The following SNTB2 variants were observed in gnomAD, a reference collection of about 807,000 sequenced individuals.
The protein encoded by SNTB2 is syntrophin beta 2.
In SNTB2, 34 loss-of-function variants were observed where a neutral mutation model predicts 46.2. The ratio of observed to expected loss-of-function variants is 0.74; its 90% CI spans 0.56 to 0.98. The LOEUF (loss-of-function observed/expected upper bound fraction) is 0.98, where lower values mean the gene tolerates loss of function less well. SNTB2 is among the 50% of genes least tolerant of loss of function. The pLI, the probability that SNTB2 is intolerant of heterozygous loss-of-function variation, is 0.00. For missense variants in SNTB2, 603 were observed against 731.4 expected, an observed-to-expected ratio of 0.82 and a Z score of 2.02; for synonymous variants, 290 against 312.6, an observed-to-expected ratio of 0.93 and a Z score of 0.76.
chr16:69,196,525 C>G (rs1964107483), intron 1 of SNTB2, among the ~76,000 whole-genome samples: 1 of 151,826 alleles, frequency 6.6e-6, no homozygotes. Flanking sequence ...CAGACACGCG[C>G]TACCATGCCC....
At position 69,300,925 on chromosome 16, in the gene SNTB2, G is replaced by A. The variant is rs1965272694; in HGVS notation, c.*1G>A. 6.3e-7 allele frequency: 1 copy of A among 1,590,926 alleles called. No homozygotes were observed. Among genetic ancestry groups the A allele is most frequent in the Non-Finnish European group, 8.6e-7 (1 of 1,161,186 alleles). ...CACTCGTATGGGACTGCTTGTATGA[G>A]CAACAAAAAATCAGAAAAGAGCCTT... On this transcript the variant is annotated 3_prime_UTR_variant, in exon 7 of 7. Transcript: ENST00000336278.
chr16:69,286,227 A>T (rs80002642), intron 5 of SNTB2, among the ~76,000 whole-genome samples: 3,511 of 152,312 alleles, frequency 0.023, 135 homozygotes, highest in African/African-American at 0.08. Flanking sequence ...CTGGGATTAT[A>T]GGCACAAGCC....
intron 2 of SNTB2, among the ~76,000 whole-genome samples, chr16:69,249,870 G>A (rs1413232121): frequency 6.6e-6 from 1 of 152,130 alleles, no homozygotes; most frequent in African/African-American, 2.4e-5. Flanking sequence ...AGGCCAAGGT[G>A]GGTGGATCAC....
In SNTB2 at chr16:69,213,258, G is replaced by A. The variant is rs575721787; in HGVS notation, c.580+25512G>A. Among the ~76,000 whole-genome samples, 28 of 152,178 alleles carry A rather than the reference G, an allele frequency of 1.8e-4. No individual in the cohort carries two copies. The South Asian group carries it at 2.7e-3, about 15-fold the overall frequency. ...TTGGCACATATTGCATGTTAAATTGGTAGTAAAAGGGGTGATTTCATGTGT... is the reference window on the plus strand; with the variant it reads ...TTGGCACATATTGCATGTTAAATTGATAGTAAAAGGGGTGATTTCATGTGT... On this transcript the variant is annotated intron_variant, in intron 1 of 6. Coordinates refer to ENST00000336278, the MANE Select transcript of SNTB2 (RefSeq NM_006750.4).
chr16:69,286,673 C>G (rs140576242), intron 5 of SNTB2, among the ~76,000 whole-genome samples: 7 of 147,182 alleles, frequency 4.8e-5, no homozygotes, highest in African/African-American at 1.8e-4. Context: ...TGATGGGAGC[C>G]AGAACCTGTC....
chr16:69,245,765 CA>C lies in SNTB2; in HGVS notation c.748del (p.Met250CysfsTer8). On this transcript the variant is annotated frameshift_variant, in exon 2 of 7. Transcript: ENST00000336278. LOFTEE classifies it high-confidence loss of function. ...STKDRKIIPLKMCFAARNLSM... is the reference protein window; with the variant it reads ...STKDRKIIPLXMCFAARNLSM... The stretch of plus-strand genomic sequence containing the variant: ...CCAAGGACAGGAAGATCATCCCTCT[CA>C]AAATGTGCTTTGCTGCTAGAAACCT... The C allele has an allele frequency of 6.2e-7, 1 of 1,614,080 alleles. No individual in the cohort carries two copies. Among genetic ancestry groups the C allele is most frequent in the South Asian group, 1.1e-5 (1 of 91,066 alleles).
chr16:69,289,338 G>C (rs1965137368), intron 5 of SNTB2, among the ~76,000 whole-genome samples: 1 of 152,008 alleles, frequency 6.6e-6, no homozygotes, highest in Non-Finnish European at 1.5e-5. Context: ...CAGAGGTTGG[G>C]ATGGGCGTGT....
intron 3 of SNTB2, among the ~76,000 whole-genome samples, chr16:69,268,355 T>C (rs1037607256): frequency 6.6e-6 from 1 of 151,888 alleles, no homozygotes; most frequent in Non-Finnish European, 1.5e-5. Context: ...TCTCAGGTAG[T>C]TGGGAGGCTG....
intron 1 of SNTB2, among the ~76,000 whole-genome samples, chr16:69,243,101 G>C (rs1964634173): frequency 6.7e-6 from 1 of 148,486 alleles, no homozygotes. Flanking sequence ...AAAACAGTTT[G>C]TAAACATCAG....
At chr16:69,278,505 G>C in intron 4 of SNTB2, among the ~76,000 whole-genome samples, 1 of 150,182 alleles carries the variant, frequency 6.7e-6, no homozygotes, top group South Asian at 2.1e-4. Context: ...ACCCAGGCTG[G>C]AGGGCAGTGG....
At chr16:69,250,550 A>G (rs1222376047) in intron 2 of SNTB2, among the ~76,000 whole-genome samples, 1 of 152,206 alleles carries the variant, frequency 6.6e-6, no homozygotes, top group Non-Finnish European at 1.5e-5. Context: ...TTTTCTCTGT[A>G]GAATGGACAT....
chr16:69,254,544 A>T (rs1255696130), intron 2 of SNTB2, among the ~76,000 whole-genome samples: 1 of 152,236 alleles, frequency 6.6e-6, no homozygotes, highest in African/African-American at 2.4e-5. Context: ...CAATCCATAA[A>T]GAAAAAACTT....
intron 1 of SNTB2, among the ~76,000 whole-genome samples, chr16:69,210,057 CT>C (rs1555498054): frequency 2.3e-5 from 1 of 43,778 alleles, no homozygotes; most frequent in Non-Finnish European, 4.9e-5. Context: ...CGGAGTTTTG[CT>C]TTTGTTGCCC....
intron 5 of SNTB2, among the ~76,000 whole-genome samples, chr16:69,298,812 G>T (rs1484060844): frequency 2.0e-5 from 3 of 151,634 alleles, no homozygotes; most frequent in African/African-American, 7.3e-5. Context: ...GTGAGCCACC[G>T]TACCCGGCCA....
chr16:69,288,394 CAT>C (rs902276588), intron 5 of SNTB2, among the ~76,000 whole-genome samples: 10 of 152,126 alleles, frequency 6.6e-5, no homozygotes, highest in African/African-American at 2.2e-4. Flanking sequence ...ACAAAAGAAA[CAT>C]ATTTTTCGGT....
intron 3 of SNTB2, among the ~76,000 whole-genome samples, chr16:69,268,265 A>G (rs977610706): frequency 6.6e-6 from 1 of 151,790 alleles, no homozygotes; most frequent in African/African-American, 2.4e-5. Flanking sequence ...AGAGTTCGAG[A>G]CCAGTATGGC....
intron 1 of SNTB2, among the ~76,000 whole-genome samples, chr16:69,199,708 T>A (rs1964141578): frequency 6.6e-6 from 1 of 152,112 alleles, no homozygotes; most frequent in Non-Finnish European, 1.5e-5. Context: ...GATTATTGTG[T>A]ACCTTGAGGT....
At chr16:69,212,951 T>A (rs1964304390) in intron 1 of SNTB2, among the ~76,000 whole-genome samples, 1 of 152,218 alleles carries the variant, frequency 6.6e-6, no homozygotes. Flanking sequence ...TTTTTTACTT[T>A]GTATATTTTG....
intron 3 of SNTB2, among the ~76,000 whole-genome samples, chr16:69,266,766 G>C: frequency 6.6e-6 from 1 of 151,900 alleles, no homozygotes; most frequent in South Asian, 2.1e-4. Flanking sequence ...GCCCAGGCTG[G>C]AGTACAGTAG....
Sources: gnomAD v4.1 joint callset for allele counts (sites outside exome capture counted in the v4.1 genomes callset) on GRCh38, gnomAD v4.1.1 for gene constraint, MANE v1.5 for transcripts, NCBI Gene and HGNC (gene_info 2026-07-23, HGNC 2026-07-21) for gene names.